AFDN: variants seen among roughly 807,000 people sequenced by gnomAD.
AFDN encodes afadin, adherens junction formation factor.
A neutral mutation model predicts 216.6 loss-of-function variants in AFDN; 68 were observed. The ratio of observed to expected loss-of-function variants is 0.31; its 90% confidence interval spans 0.26 to 0.38. AFDN has a LOEUF of 0.38. Among genes scored for constraint, AFDN ranks in the 10% least tolerant of loss-of-function variants. The probability of loss-of-function intolerance (pLI) is 1.00; values close to 1 mark genes in which losing one functional copy is unlikely to be tolerated. For synonymous variants in AFDN, 868 were observed against 853.7 expected (o/e 1.02, Z -0.29); for missense variants, 2,136 against 2,342.0 (o/e 0.91, Z 1.82).
chr6:167,889,494 C>T (rs781569752), intron 7 of AFDN, among the ~76,000 whole-genome samples, 168 bp downstream of exon 7: 6 of 152,120 alleles, frequency 3.9e-5, no homozygotes, highest in Non-Finnish European at 7.3e-5. Flanking sequence ...AGTGCAGTGG[C>T]GCAATCTTGG....
chr6:167,865,105 A>AACATT (rs1784027837), intron 2 of AFDN, among the ~76,000 whole-genome samples: 1 of 151,798 alleles, frequency 6.6e-6, no homozygotes, highest in African/African-American at 2.4e-5. Flanking sequence ...TAGAGATTAT[A>AACATT]ATAATTGTAA....
At chr6:167,854,871 C>A (rs1319833049) in intron 1 of AFDN, among the ~76,000 whole-genome samples, 1 of 151,218 alleles carries the variant, frequency 6.6e-6, no homozygotes, top group Non-Finnish European at 1.5e-5. Context: ...GAAATAAAAT[C>A]TTTTAAATTA....
intron 12 of AFDN, 87 bp from the exon 13 acceptor site, chr6:167,907,084 G>A: frequency 1.1e-6 from 1 of 951,700 alleles, no homozygotes; most frequent in Non-Finnish European, 1.7e-6. Context: ...TGGCAGCCCT[G>A]TATCAGATCT....
At position 167,970,921 on chromosome 6, in the gene AFDN, A is replaced by C. The variant is rs1345422184; in HGVS notation, c.*986A>C. On this transcript the variant is annotated 3_prime_UTR_variant, in exon 34 of 34. Transcript: ENST00000683244. ...CTGTATGCCGTCAAGGAAGGAATTCAGTTACAGGGCATCTGTAACTTAAAT... is the reference window on the plus strand; with the variant it reads ...CTGTATGCCGTCAAGGAAGGAATTCCGTTACAGGGCATCTGTAACTTAAAT... 1 of 212,316 alleles carries C rather than the reference A, an allele frequency of 4.7e-6. No individual in the cohort carries two copies. Among genetic ancestry groups the C allele is most frequent in the African/African-American group, 2.3e-5 (1 of 44,164 alleles). 13.2% of individuals were successfully genotyped at this position (212,316 alleles called of 1,614,324 possible).
chr6:167,936,503 T>C (rs1020060657), intron 23 of AFDN, among the ~76,000 whole-genome samples: 1 of 152,240 alleles, frequency 6.6e-6, no homozygotes, highest in Non-Finnish European at 1.5e-5. Flanking sequence ...TTGTCCATTA[T>C]TGTTTAGAAA....
chr6:167,827,216 C>A lies in AFDN; in HGVS notation c.84C>A (p.Phe28Leu). The change falls in exon 1 of 34, where the codon TTC becomes TTA. Residue 28 changes from phenylalanine to leucine, a missense_variant. By Grantham distance (22) the Phe-to-Leu change is conservative. Transcript: ENST00000683244. ...HHWNANRLDL[F>L]EISQPTEDLE... is the part of the protein sequence containing the mutation. ...GGAACGCCAACCGGCTGGACCTGTT[C>A]GAGATCAGCCAGCCGACCGAGGTGA... 8.1e-7 allele frequency: 1 copy of A among 1,238,178 alleles called. No individual in the cohort carries two copies. The highest frequency in any genetic ancestry group is 1.0e-6 in the Non-Finnish European group (1 of 958,198). The allele number at this position is 1,238,178 out of a possible 1,614,324, so 76.7% of individuals were successfully genotyped here.
chr6:167,955,500 G>A (rs1327825566), intron 30 of AFDN, among the ~76,000 whole-genome samples: 1 of 152,002 alleles, frequency 6.6e-6, no homozygotes, highest in Non-Finnish European at 1.5e-5. Context: ...GGAAGATATT[G>A]ATCAGAGTCA....
At chr6:167,862,476 A>G (rs565202987) in intron 1 of AFDN, among the ~76,000 whole-genome samples, 1 of 152,206 alleles carries the variant, frequency 6.6e-6, no homozygotes, top group Admixed American at 6.5e-5. Context: ...CCTGGGTTCA[A>G]GCAGTTCTCC....
intron 6 of AFDN, among the ~76,000 whole-genome samples, chr6:167,885,729 A>G (rs1786711504): frequency 6.6e-6 from 1 of 152,258 alleles, no homozygotes; most frequent in African/African-American, 2.4e-5. Context: ...AAATGGCATC[A>G]GTAGGCGTGC....
intron 13 of AFDN, among the ~76,000 whole-genome samples, chr6:167,910,720 T>G (rs1272910353): frequency 6.6e-6 from 1 of 152,200 alleles, no homozygotes; most frequent in Non-Finnish European, 1.5e-5. Flanking sequence ...CGTTTCAAGC[T>G]TGGCATGGTT....
intron 21 of AFDN, among the ~76,000 whole-genome samples, chr6:167,920,902 A>C (rs1329760017): frequency 6.6e-6 from 1 of 152,152 alleles, no homozygotes; most frequent in East Asian, 1.9e-4. Context: ...CCCACACTTA[A>C]CATGTCTTCC....
chr6:167,884,767 A>G (rs1786564013), intron 6 of AFDN, among the ~76,000 whole-genome samples: 1 of 152,158 alleles, frequency 6.6e-6, no homozygotes, highest in Non-Finnish European at 1.5e-5. Context: ...GTAAGTGAGC[A>G]TTGGCCTCAA....
intron 21 of AFDN, among the ~76,000 whole-genome samples, chr6:167,920,305 G>A (rs1791615011): frequency 6.6e-6 from 1 of 152,158 alleles, no homozygotes; most frequent in South Asian, 2.1e-4. Context: ...ACTAGCCCCA[G>A]AGCATTAGTT....
At chr6:167,902,166 T>A in intron 11 of AFDN, 151 bp from the exon 12 acceptor site, 1 of 551,802 alleles carries the variant, frequency 1.8e-6, no homozygotes, top group Non-Finnish European at 3.2e-6. Flanking sequence ...AGGTGGTTTT[T>A]TAATTCTGTA....
intron 30 of AFDN, among the ~76,000 whole-genome samples, chr6:167,956,132 A>AAAC (rs1796489734): frequency 6.6e-6 from 1 of 151,060 alleles, no homozygotes; most frequent in Non-Finnish European, 1.5e-5. Context: ...AAAAAAAAAA[A>AAAC]AAAAAAAACT....
chr6:167,911,486 C>A lies in AFDN; in HGVS notation c.2034C>A (p.Ile678=). Residue 678 remains isoleucine (I), a synonymous_variant, in exon 15 of 34, where the codon ATC becomes ATA. Transcript: ENST00000683244. ...TGGTGAGCATGATGGAGGGTGTCAT[C>A]CAGGTACGTTCCAGCCGGCCAGCCA... ...NKMVSMMEGV[I]QEVDQVDQKQ... is the part of the protein sequence containing the mutation. The A allele has an allele frequency of 1.2e-6, 2 of 1,613,968 alleles. No individual in the cohort carries two copies. The highest frequency in any genetic ancestry group is 8.5e-7 in the Non-Finnish European group (1 of 1,179,920).
chr6:167,882,111 T>G (rs1436194833), intron 6 of AFDN, among the ~76,000 whole-genome samples: 1 of 152,050 alleles, frequency 6.6e-6, no homozygotes, highest in Non-Finnish European at 1.5e-5. Context: ...GATGGAAGTT[T>G]GACAACACTA....
At chr6:167,847,398 GCACTCTAGGCATCTCAA>G in intron 1 of AFDN, among the ~76,000 whole-genome samples, 1 of 152,060 alleles carries the variant, frequency 6.6e-6, no homozygotes, top group Non-Finnish European at 1.5e-5. Flanking sequence ...CTATTTAGGT[GCACTCTAGGCATCTCAA>G]AGTGAGCCTG....
chr6:167,914,285 T>G lies in AFDN; in HGVS notation c.2176T>G (p.Leu726Val), dbSNP rs755406472. 1.9e-6 allele frequency: 3 copies of G among 1,613,972 alleles called. No individual in the cohort carries two copies. In the South Asian group the frequency reaches 3.3e-5, roughly 18 times the overall value. ...GATCACACTGGATGCTCAAGATGTTTTAGCACATTTGGTTCAAATGGCATT... is the reference window on the plus strand; with the variant it reads ...GATCACACTGGATGCTCAAGATGTTGTAGCACATTTGGTTCAAATGGCATT... ...SRITLDAQDVLAHLVQMAFKY... is the reference protein window; with the variant it reads ...SRITLDAQDVVAHLVQMAFKY... Residue 726 changes from leucine to valine, a missense_variant, in exon 17 of 34, where the codon TTA becomes GTA. Coordinates refer to ENST00000683244, the MANE Select transcript of AFDN (RefSeq NM_001386888.1).
Sources: allele counts gnomAD v4.1 joint callset (sites outside exome capture counted in the v4.1 genomes callset), GRCh38; gene constraint gnomAD v4.1.1; transcripts MANE v1.5; gene names NCBI Gene and HGNC (gene_info 2026-07-23, HGNC 2026-07-21).